TRAPPC13: variants seen among roughly 807,000 people sequenced by gnomAD.
TRAPPC13 encodes trafficking protein particle complex subunit 13.
A neutral mutation model predicts 54.0 loss-of-function variants in TRAPPC13; 39 were observed. That is an observed-to-expected ratio of 0.72 (90% CI 0.56 to 0.94). The LOEUF (loss-of-function observed/expected upper bound fraction) is 0.94, where lower values mean the gene tolerates loss of function less well. TRAPPC13 is among the 40% of genes least tolerant of loss of function. TRAPPC13 has a pLI of 0.00. For missense variants in TRAPPC13, 386 were observed against 488.1 expected, an observed-to-expected ratio of 0.79 and a Z score of 1.97; for synonymous variants, 148 against 167.7, an observed-to-expected ratio of 0.88 and a Z score of 0.91.
intron 1 of TRAPPC13, chr5:65,630,803 G>T (rs1235902359): frequency 2.0e-6 from 1 of 491,216 alleles, no homozygotes; most frequent in Non-Finnish European, 2.6e-6. Flanking sequence ...ACAATTGATA[G>T]GCTGTTTTCA....
intron 1 of TRAPPC13, among the ~76,000 whole-genome samples, chr5:65,632,287 G>A (rs925271492): frequency 6.6e-6 from 1 of 152,106 alleles, no homozygotes; most frequent in African/African-American, 2.4e-5. Flanking sequence ...TTTAAATTGG[G>A]AGAAACTGCC....
At chr5:65,662,580 G>A (rs972027106) in intron 11 of TRAPPC13, 1 of 152,538 alleles carries the variant, frequency 6.6e-6, no homozygotes, top group African/African-American at 2.4e-5. Context: ...CGAAAACTGG[G>A]TTTTGACAGT....
intron 3 of TRAPPC13, 74 bp downstream of exon 3, chr5:65,636,117 A>T (rs879117169): frequency 7.6e-5 from 63 of 830,118 alleles, no homozygotes; most frequent in Middle Eastern, 2.4e-4. Context: ...GAACCATGGG[A>T]TGGGGAAATG....
intron 2 of TRAPPC13, among the ~76,000 whole-genome samples, chr5:65,635,685 TA>T (rs112555567): frequency 7.0e-4 from 106 of 151,480 alleles, no homozygotes; most frequent in South Asian, 1.5e-3. Context: ...CTTTTTTTTT[TA>T]AGAATTATTG....
intron 8 of TRAPPC13, 200 bp from the exon 9 acceptor site, chr5:65,658,168 T>C: frequency 4.4e-6 from 2 of 451,326 alleles, no homozygotes; most frequent in Non-Finnish European, 7.7e-6. Context: ...ATCAGTTGAC[T>C]AACACTTGAC....
intron 4 of TRAPPC13, among the ~76,000 whole-genome samples, chr5:65,642,045 G>A (rs970372719): frequency 4.0e-5 from 6 of 151,888 alleles, no homozygotes; most frequent in Non-Finnish European, 7.4e-5. Flanking sequence ...TCTGTTGGCC[G>A]GGTGCAGTGG....
intron 6 of TRAPPC13, among the ~76,000 whole-genome samples, chr5:65,651,950 G>A (rs1411731147): frequency 2.9e-5 from 4 of 137,364 alleles, no homozygotes; most frequent in East Asian, 2.4e-4. Context: ...TGCAGCCTCC[G>A]CCTTGTGGGT....
At chr5:65,663,716 G>A (rs1756920800) in intron 11 of TRAPPC13, 1 of 152,238 alleles carries the variant, frequency 6.6e-6, no homozygotes, top group Admixed American at 6.5e-5. Context: ...ATAAGCAGAA[G>A]TAGTCTTTTC....
chr5:65,649,192 G>GC lies in TRAPPC13; in HGVS notation c.429-1618_429-1617insC, dbSNP rs761013916. ...GATCACGCCACTGCTCTTCAGCCTG[G>GC]GTGACACAGTGGGACCCTGCCTCAA... On this transcript the variant is annotated intron_variant, in intron 5 of 12. Transcript: ENST00000399438. Among the ~76,000 whole-genome samples the GC allele has an allele frequency of 8.7e-4, 132 of 151,400 alleles. 1 individual carries two copies. Among genetic ancestry groups the GC allele is most frequent in the Admixed American group, 1.1e-3 (17 of 15,172 alleles).
At chr5:65,643,546 G>A (rs555395967) in intron 4 of TRAPPC13, among the ~76,000 whole-genome samples, 22 of 151,900 alleles carry the variant, frequency 1.4e-4, no homozygotes, top group African/African-American at 5.3e-4. Flanking sequence ...CGGCTGGGTG[G>A]GGTGGCTCAT....
At chr5:65,647,604 G>T (rs1756260444) in intron 5 of TRAPPC13, among the ~76,000 whole-genome samples, 1 of 151,830 alleles carries the variant, frequency 6.6e-6, no homozygotes, top group African/African-American at 2.4e-5. Context: ...ACCAAAATAA[G>T]GCACACTGTG....
At chr5:65,640,575 CT>C (rs376817933) in intron 4 of TRAPPC13, among the ~76,000 whole-genome samples, 1 of 152,282 alleles carries the variant, frequency 6.6e-6, no homozygotes, top group African/African-American at 2.4e-5. Flanking sequence ...TTGCCAACCT[CT>C]ACATTCGATT....
At chr5:65,625,410 GGGC>G in intron 1 of TRAPPC13, 1 of 385,724 alleles carries the variant, frequency 2.6e-6, no homozygotes, top group African/African-American at 2.1e-5. Context: ...GAATTACAGC[GGGC>G]ATCCAAAGTG....
At chr5:65,635,173 ATATTTAGGAAG>A (rs2150667397) in intron 1 of TRAPPC13, 117 bp from the exon 2 acceptor site, 2 of 806,912 alleles carry the variant, frequency 2.5e-6, no homozygotes, top group Non-Finnish European at 1.9e-6. Flanking sequence ...ATGTAGTATT[ATATTTAGGAAG>A]TATTTAGGTT....
chr5:65,663,448 A>G (rs1756911776), intron 11 of TRAPPC13: 1 of 152,224 alleles, frequency 6.6e-6, no homozygotes, highest in South Asian at 2.1e-4. Flanking sequence ...AGCCATCTCA[A>G]ATGCTTGTTA....
intron 5 of TRAPPC13, among the ~76,000 whole-genome samples, chr5:65,649,298 T>A (rs1284786184): frequency 1.3e-5 from 2 of 152,194 alleles, no homozygotes; most frequent in Non-Finnish European, 2.9e-5. Flanking sequence ...TGGATGTTTA[T>A]TTTTGGTTTT....
chr5:65,635,049 T>G, intron 1 of TRAPPC13: 1 of 652,706 alleles, frequency 1.5e-6, no homozygotes, highest in Non-Finnish European at 1.9e-6. Context: ...CTATAATGAA[T>G]GCATATTGTA....
intron 11 of TRAPPC13, chr5:65,663,502 G>A (rs779690368): frequency 5.3e-5 from 8 of 151,984 alleles, no homozygotes; most frequent in African/African-American, 9.7e-5. Flanking sequence ...AAGTCAATAT[G>A]TCTAAAAAAA....
rs1387014841 is a variant in TRAPPC13, at chr5:65,660,714, G to A, written c.714G>A (p.Gly238=). Residue 238 remains glycine, a synonymous_variant, in exon 10 of 13, where the codon GGG becomes GGA. Transcript: ENST00000399438. ...SQAGECVSTF[G]SRAYLQPMDT... ...CCCCTCTCAGTGTGTCTACGTTTGG[G>A]TCAAGAGCATATTTGCAACCAATGG... is the stretch of plus-strand genomic sequence containing the variant. 8 of 1,609,166 alleles carry A rather than the reference G, an allele frequency of 5.0e-6. No homozygotes were observed. The African/African-American group carries it at 5.4e-5, about 11-fold the overall frequency.
Sources: gnomAD v4.1 joint callset for allele counts (sites outside exome capture counted in the v4.1 genomes callset) on GRCh38, gnomAD v4.1.1 for gene constraint, MANE v1.5 for transcripts, NCBI Gene and HGNC (gene_info 2026-07-23, HGNC 2026-07-21) for gene names.